The following BARX2 variants were observed in gnomAD, a reference collection of about 807,000 sequenced individuals.
BARX2 encodes homeobox protein BarH-like 2.
BARX2 carries 11 observed loss-of-function variants against 25.5 expected under a neutral mutation model. That is an observed-to-expected ratio of 0.43 (90% CI 0.27 to 0.71). The LOEUF (loss-of-function observed/expected upper bound fraction) is 0.71. BARX2 is among the 30% of genes least tolerant of loss of function. The probability of loss-of-function intolerance (pLI) is 0.19; values close to 1 mark genes in which losing one functional copy is unlikely to be tolerated. For synonymous variants in BARX2, 137 were observed against 149.5 expected, an observed-to-expected ratio of 0.92 and a Z score of 0.61; for missense variants, 360 against 359.9, an observed-to-expected ratio of 1.00 and a Z score of 0.00.
intron 1 of BARX2, among the ~76,000 whole-genome samples, chr11:129,415,614 C>G (rs1861936342): frequency 1.3e-5 from 2 of 152,224 alleles, no homozygotes; most frequent in African/African-American, 4.8e-5. Flanking sequence ...TCACAGAGCA[C>G]CGGGCCCTGG....
intron 1 of BARX2, among the ~76,000 whole-genome samples, chr11:129,423,189 T>C (rs1028704493): frequency 4.6e-5 from 7 of 150,892 alleles, no homozygotes; most frequent in African/African-American, 1.7e-4. Context: ...TGATCTCAGC[T>C]CACTGCAACC....
Position 129,451,138 on chromosome 11 carries a change from T to A in BARX2, c.576T>A (p.Val192=). 6.2e-7 allele frequency: 1 copy of A among 1,613,310 alleles called. No individual in the cohort carries two copies. Among genetic ancestry groups the A allele is most frequent in the Non-Finnish European group, 8.5e-7 (1 of 1,179,490 alleles). Residue 192 remains valine (V), a splice_region_variant and synonymous_variant, in exon 4 of 4, where the codon GTT becomes GTA. Coordinates refer to ENST00000281437, the MANE Select transcript of BARX2 (RefSeq NM_003658.5). ...QNRRMKWKKM[V]LKGGQEAPTK... is the part of the protein sequence containing the mutation. The stretch of plus-strand genomic sequence containing the variant: ...ATAACAATTTTTTACTCACGTAGGT[T>A]CTTAAAGGTGGACAGGAAGCACCCA...
At chr11:129,404,726 G>A (rs1360087887) in intron 1 of BARX2, among the ~76,000 whole-genome samples, 3 of 152,204 alleles carry the variant, frequency 2.0e-5, no homozygotes, top group Non-Finnish European at 4.4e-5. Flanking sequence ...TCCATTTGGT[G>A]TGAGCAGTGA....
At chr11:129,412,899 A>G (rs923536273) in intron 1 of BARX2, among the ~76,000 whole-genome samples, 2 of 152,248 alleles carry the variant, frequency 1.3e-5, no homozygotes, top group South Asian at 2.1e-4. Flanking sequence ...AATACACAGT[A>G]TATGTTCTCA....
chr11:129,389,262 C>T (rs2135386959), intron 1 of BARX2, among the ~76,000 whole-genome samples: 1 of 152,180 alleles, frequency 6.6e-6, no homozygotes. Context: ...GAAGTACAAC[C>T]CTTTAGGGAA....
Position 129,440,330 on chromosome 11 carries a change from G to A in BARX2, c.489-2505G>A, listed in dbSNP as rs556372023. On this transcript the variant is annotated intron_variant, in intron 2 of 3. Coordinates refer to ENST00000281437, the MANE Select transcript of BARX2 (RefSeq NM_003658.5). ...TTTGCTAATGCAGTTGCAGAGCTGT[G>A]AACTGAGCCTTCCATTGACTAATGC... 4.6e-5 allele frequency among the ~76,000 whole-genome samples: 7 copies of A among 152,352 alleles called. No homozygotes were observed. In the South Asian group the frequency reaches 8.3e-4, roughly 18 times the overall value.
intron 1 of BARX2, among the ~76,000 whole-genome samples, chr11:129,401,422 G>A (rs1321398262): frequency 6.6e-6 from 1 of 152,036 alleles, no homozygotes; most frequent in East Asian, 1.9e-4. Flanking sequence ...TAGGTAAAGT[G>A]GCTTTATTTC....
intron 1 of BARX2, among the ~76,000 whole-genome samples, chr11:129,403,053 G>T (rs964131094): frequency 1.3e-5 from 2 of 152,224 alleles, no homozygotes; most frequent in African/African-American, 4.8e-5. Context: ...AGACCAGGTG[G>T]AATACTAATG....
intron 1 of BARX2, among the ~76,000 whole-genome samples, chr11:129,419,472 G>A (rs1861979826): frequency 2.6e-5 from 4 of 152,134 alleles, no homozygotes; most frequent in Admixed American, 2.6e-4. Flanking sequence ...TAGAATTGTG[G>A]GAGGTAGCGT....
intron 1 of BARX2, among the ~76,000 whole-genome samples, chr11:129,430,516 A>AT (rs953159902): frequency 6.6e-6 from 1 of 151,940 alleles, no homozygotes; most frequent in Non-Finnish European, 1.5e-5. Flanking sequence ...TAACATTTTA[A>AT]TTTTTTTTGA....
At chr11:129,404,417 A>G (rs1400626541) in intron 1 of BARX2, among the ~76,000 whole-genome samples, 5 of 152,268 alleles carry the variant, frequency 3.3e-5, no homozygotes, top group African/African-American at 1.2e-4. Flanking sequence ...GGTGACACAT[A>G]GCAGAGATGG....
At chr11:129,403,426 G>A (rs1565512959) in intron 1 of BARX2, among the ~76,000 whole-genome samples, 2 of 152,164 alleles carry the variant, frequency 1.3e-5, no homozygotes, top group Non-Finnish European at 2.9e-5. Context: ...TCAGCCTTCA[G>A]GAGAGGCAGC....
chr11:129,451,203 C>T lies in BARX2; in HGVS notation c.641C>T (p.Thr214Ile). Residue 214 changes from threonine to isoleucine, a missense_variant, in exon 4 of 4, where the codon ACA (threonine) becomes ATA (isoleucine). Physicochemically the swap from Thr to Ile is moderately conservative, Grantham distance 89. This residue lies in a region of BARX2 where 114 missense variants were observed against 109.4 expected (regional missense o/e 1.04). Transcript: ENST00000281437. Reference protein sequence around the residue: ...KGRPKKNSIPTSEEIEAEEKM... With the variant: ...KGRPKKNSIPISEEIEAEEKM... The stretch of plus-strand genomic sequence containing the variant: ...CGCCCCAAGAAGAACTCCATCCCCA[C>T]ATCAGAAGAGATTGAAGCTGAAGAG... 2 of 1,614,184 alleles carry T rather than the reference C, an allele frequency of 1.2e-6. No individual in the cohort carries two copies. The highest frequency in any genetic ancestry group is 2.2e-5 in the South Asian group (2 of 91,084).
intron 1 of BARX2, among the ~76,000 whole-genome samples, chr11:129,394,932 AGC>A (rs1861702528): frequency 1.6e-5 from 1 of 61,516 alleles, no homozygotes; most frequent in Non-Finnish European, 2.9e-5. Context: ...TAGTCCACTC[AGC>A]ATTTTTTTTT....
chr11:129,424,008 C>G lies in BARX2; in HGVS notation c.188-12743C>G, dbSNP rs530415691. 2.8e-4 allele frequency among the ~76,000 whole-genome samples: 43 copies of G among 152,224 alleles called. No homozygotes were observed. The South Asian group carries it at 7.7e-3, about 27-fold the overall frequency. The stretch of plus-strand genomic sequence containing the variant: ...GGGACTACAGGTGCCTGCCACCATG[C>G]CTGGCTAATGTTTGTATTTTTAATA... On this transcript the variant is annotated intron_variant, in intron 1 of 3. Coordinates refer to ENST00000281437, the MANE Select transcript of BARX2 (RefSeq NM_003658.5).
At chr11:129,418,231 C>T (rs2135401911) in intron 1 of BARX2, among the ~76,000 whole-genome samples, 1 of 152,322 alleles carries the variant, frequency 6.6e-6, no homozygotes, top group South Asian at 2.1e-4. Context: ...AAAGGCCTCT[C>T]TGCTTCTCAT....
intron 1 of BARX2, among the ~76,000 whole-genome samples, chr11:129,382,207 C>T (rs1861572274): frequency 6.6e-6 from 1 of 152,098 alleles, no homozygotes; most frequent in South Asian, 2.1e-4. Context: ...GAAACAGGAT[C>T]TTGGTCTGTT....
intron 2 of BARX2, chr11:129,438,141 GGTGAA>G (rs1761880875): frequency 6.6e-6 from 1 of 152,070 alleles, no homozygotes; most frequent in Non-Finnish European, 1.5e-5. Context: ...TGGCCAAGAT[GGTGAA>G]ACCGCGTCTC....
intron 3 of BARX2, among the ~76,000 whole-genome samples, chr11:129,447,044 G>A (rs564053201): frequency 2.6e-5 from 4 of 152,108 alleles, no homozygotes; most frequent in Admixed American, 6.5e-5. Context: ...TATCCCTCGC[G>A]CATTATGCTG....
Sources: allele counts gnomAD v4.1 joint callset (sites outside exome capture counted in the v4.1 genomes callset), GRCh38; gene constraint gnomAD v4.1.1; regional missense constraint gnomAD v4.1.1; transcripts MANE v1.5; gene names NCBI Gene and HGNC (gene_info 2026-07-23, HGNC 2026-07-21).